Variants in RBFOX1 observed in about 807,000 individuals in gnomAD.
The protein encoded by RBFOX1 is RNA binding protein fox-1 homolog 1.
Under a neutral mutation model 57.7 loss-of-function variants are expected in RBFOX1, and 8 were observed. That is an observed-to-expected ratio of 0.14 (90% CI 0.08 to 0.25). The LOEUF (loss-of-function observed/expected upper bound fraction) is 0.25, where lower values mean the gene tolerates loss of function less well. RBFOX1 is among the 10% of genes least tolerant of loss of function. The pLI is 1.00. For missense variants in RBFOX1, 611 were observed against 548.5 expected, an observed-to-expected ratio of 1.11 and a Z score of -1.14; for synonymous variants, 326 against 222.4, an observed-to-expected ratio of 1.47 and a Z score of -4.15.
chr16:5,807,359 G>A (rs2055264255), intron 3 of RBFOX1, among the ~76,000 whole-genome samples: 2 of 152,008 alleles, frequency 1.3e-5, no homozygotes, highest in African/African-American at 4.8e-5. Context: ...GCATCTTCAG[G>A]ATGCCACAGG....
intron 3 of RBFOX1, among the ~76,000 whole-genome samples, chr16:5,834,982 C>G (rs571617221): frequency 6.6e-6 from 1 of 152,128 alleles, no homozygotes; most frequent in African/African-American, 2.4e-5. Context: ...GTAAGTGTTC[C>G]CTTTGAGATA....
chr16:6,722,007 C>G lies in RBFOX1; in HGVS notation c.-16+67357C>G, dbSNP rs1301729771. On this transcript the variant is annotated intron_variant, in intron 3 of 15. Transcript: ENST00000550418. ...TGTATTACAGCATGTATCAAAATTTCCTTCCTATTTAAGGTTAAATGGTAT... is the reference window on the plus strand; with the variant it reads ...TGTATTACAGCATGTATCAAAATTTGCTTCCTATTTAAGGTTAAATGGTAT... 3 of 152,590 alleles carry G rather than the reference C, an allele frequency of 2.0e-5. No individual in the cohort carries two copies. The East Asian group carries it at 5.8e-4, about 29-fold the overall frequency. The allele number at this position is 152,590 out of a possible 1,614,324, so 9.5% of individuals were successfully genotyped here.
intron 3 of RBFOX1, among the ~76,000 whole-genome samples, chr16:6,828,071 A>T (rs1012443018): frequency 1.3e-5 from 2 of 152,162 alleles, no homozygotes; most frequent in African/African-American, 4.8e-5. Context: ...AAAGCCTCTA[A>T]GATGCATGCA....
At chr16:6,355,914 A>G (rs1423062809) in intron 2 of RBFOX1, among the ~76,000 whole-genome samples, 5 of 152,254 alleles carry the variant, frequency 3.3e-5, no homozygotes, top group African/African-American at 1.2e-4. Context: ...GAGTTTTCAC[A>G]AAACAAAATG....
intron 4 of RBFOX1, among the ~76,000 whole-genome samples, chr16:7,329,501 C>A (rs2144079456): frequency 6.6e-6 from 1 of 152,330 alleles, no homozygotes; most frequent in East Asian, 1.9e-4. Flanking sequence ...ATACTAGGTG[C>A]TTCCCATTTG....
intron 2 of RBFOX1, among the ~76,000 whole-genome samples, chr16:6,573,299 C>T (rs535629326): frequency 6.6e-6 from 1 of 152,268 alleles, no homozygotes; most frequent in South Asian, 2.1e-4. Context: ...CAGGGGACGC[C>T]ATACCCTCCC....
At chr16:5,855,789 C>T (rs1171774420) in intron 3 of RBFOX1, among the ~76,000 whole-genome samples, 1 of 151,872 alleles carries the variant, frequency 6.6e-6, no homozygotes, top group African/African-American at 2.4e-5. Flanking sequence ...AGGGATCATA[C>T]TGACTGTAGA....
In RBFOX1 at chr16:5,362,086, A is replaced by G. The variant is rs373364444; in HGVS notation, c.220-105130A>G. ...AAGAACATTTAACTTAATATTGAAC[A>G]TGAGATCTGTCATCTCAACAAATGT... On this transcript the variant is annotated intron_variant, in intron 1 of 2. Transcript: ENST00000585867. Among the ~76,000 whole-genome samples the G allele has an allele frequency of 5.5e-4, 84 of 152,360 alleles. 1 individual carries two copies. In the South Asian group the frequency reaches 0.016, roughly 29 times the overall value.
At chr16:6,534,549 G>C (rs569390448) in intron 2 of RBFOX1, among the ~76,000 whole-genome samples, 2 of 152,308 alleles carry the variant, frequency 1.3e-5, no homozygotes, top group South Asian at 4.1e-4. Context: ...GTTCACAGCA[G>C]AGGTGATACA....
intron 2 of RBFOX1, among the ~76,000 whole-genome samples, chr16:6,388,120 C>T (rs1015525275): frequency 4.0e-5 from 6 of 151,682 alleles, no homozygotes; most frequent in Non-Finnish European, 7.4e-5. Context: ...GCTGGGACTA[C>T]AGGTGCATGC....
intron 1 of RBFOX1, among the ~76,000 whole-genome samples, chr16:5,362,522 T>C (rs558085463): frequency 4.6e-5 from 7 of 152,060 alleles, no homozygotes; most frequent in Non-Finnish European, 1.0e-4. Flanking sequence ...GCCAACACGC[T>C]TGGCTAATTT....
intron 10 of RBFOX1, among the ~76,000 whole-genome samples, chr16:7,612,776 T>C (rs1381468030): frequency 1.3e-5 from 2 of 152,102 alleles, no homozygotes; most frequent in African/African-American, 4.8e-5. Flanking sequence ...GGCTGTCAAA[T>C]GGTAAATTTA....
In RBFOX1 at chr16:6,271,907, C is replaced by G. The variant is rs578192279; in HGVS notation, c.-126-45088C>G. 2.5e-3 allele frequency among the ~76,000 whole-genome samples: 376 copies of G among 152,160 alleles called. 1 individual carries two copies. Among genetic ancestry groups the G allele is most frequent in the Non-Finnish European group, 4.3e-3 (291 of 67,968 alleles). ...TAACACCAAGTCCATATATCCTCTT[C>G]CAGAAAACAGGAGAGAAATAAGAAC... On this transcript the variant is annotated intron_variant, in intron 1 of 15. Coordinates refer to ENST00000550418, the MANE Select transcript of RBFOX1 (RefSeq NM_018723.4).
At chr16:7,252,399 G>C (rs976577350) in intron 4 of RBFOX1, among the ~76,000 whole-genome samples, 2 of 152,196 alleles carry the variant, frequency 1.3e-5, no homozygotes, top group Non-Finnish European at 2.9e-5. Context: ...CTGGGGCAGA[G>C]GTCTTCAACT....
Position 7,137,440 on chromosome 16 carries a change from A to G in RBFOX1, c.27+85342A>G, listed in dbSNP as rs549990398. ...AAGTCTGATGAGATCTGATGGTTTTATAAGGGGAAACCCCTTCACTTGGTT... is the reference window on the plus strand; with the variant it reads ...AAGTCTGATGAGATCTGATGGTTTTGTAAGGGGAAACCCCTTCACTTGGTT... On this transcript the variant is annotated intron_variant, in intron 4 of 15. Transcript: ENST00000550418. 3.9e-5 allele frequency among the ~76,000 whole-genome samples: 6 copies of G among 152,298 alleles called. No individual in the cohort carries two copies. The South Asian group carries it at 1.0e-3, about 26-fold the overall frequency.
intron 4 of RBFOX1, among the ~76,000 whole-genome samples, chr16:7,408,521 T>C (rs979205010): frequency 4.6e-5 from 7 of 152,330 alleles, no homozygotes; most frequent in South Asian, 2.1e-4. Flanking sequence ...CCGACACTTT[T>C]CATCTCTCTA....
intron 2 of RBFOX1, among the ~76,000 whole-genome samples, chr16:6,527,968 C>T (rs1486104322): frequency 4.6e-5 from 7 of 152,146 alleles, no homozygotes; most frequent in Non-Finnish European, 1.0e-4. Flanking sequence ...ACCGTCATTT[C>T]CTATTCATGT....
intron 1 of RBFOX1, among the ~76,000 whole-genome samples, chr16:6,022,194 C>T (rs1029826172): frequency 6.6e-6 from 1 of 151,908 alleles, no homozygotes; most frequent in African/African-American, 2.4e-5. Context: ...TTCTTCTGAC[C>T]CACTGAAAGG....
chr16:5,746,729 G>C (rs2052996516), intron 3 of RBFOX1, among the ~76,000 whole-genome samples: 1 of 152,128 alleles, frequency 6.6e-6, no homozygotes, highest in African/African-American at 2.4e-5. Flanking sequence ...CTCATGATTT[G>C]GCTCTCTGTT....
Sources: gnomAD v4.1 joint callset for allele counts (sites outside exome capture counted in the v4.1 genomes callset) on GRCh38, gnomAD v4.1.1 for gene constraint, MANE v1.5 for transcripts, NCBI Gene and HGNC (gene_info 2026-07-23, HGNC 2026-07-21) for gene names.